Variants in LRRC1 observed in about 807,000 individuals in gnomAD.
LRRC1 encodes the protein leucine-rich repeat-containing protein 1.
A neutral mutation model predicts 69.9 loss-of-function variants in LRRC1; 28 were observed. The observed-to-expected ratio is 0.40, with a 90% confidence interval of 0.30 to 0.55. The LOEUF (loss-of-function observed/expected upper bound fraction) is 0.55. LRRC1 is among the 20% of genes least tolerant of loss of function. LRRC1 has a pLI of 0.47. For synonymous variants in LRRC1, 236 were observed against 240.2 expected, an observed-to-expected ratio of 0.98 and a Z score of 0.16; for missense variants, 498 against 609.0, an observed-to-expected ratio of 0.82 and a Z score of 1.92.
chr6:53,902,249 T>C (rs541240449), intron 8 of LRRC1, among the ~76,000 whole-genome samples: 1 of 152,364 alleles, frequency 6.6e-6, no homozygotes, highest in East Asian at 1.9e-4. Context: ...ATAGGTGATT[T>C]AATAAACTAT....
rs1766886271 is a variant in LRRC1, at chr6:53,871,601, T to C, written c.278-7392T>C. ...TTTTGTAGGTCGTCTCTTTATTCTG[T>C]TGAGTCTTCCCTTTGTTGTGAAGAA... On this transcript the variant is annotated intron_variant, in intron 2 of 13. Coordinates refer to ENST00000370888, the MANE Select transcript of LRRC1 (RefSeq NM_018214.5). Among the ~76,000 whole-genome samples the C allele has an allele frequency of 3.3e-5, 5 of 152,220 alleles. No individual in the cohort carries two copies. In the South Asian group the frequency reaches 1.0e-3, roughly 31 times the overall value.
intron 2 of LRRC1, among the ~76,000 whole-genome samples, chr6:53,856,621 T>C (rs1161296361): frequency 6.6e-6 from 1 of 151,960 alleles, no homozygotes; most frequent in Non-Finnish European, 1.5e-5. Context: ...TTTGGGGAAA[T>C]GCAAGAAATT....
intron 1 of LRRC1, among the ~76,000 whole-genome samples, chr6:53,821,530 G>A (rs1425283224): frequency 6.6e-6 from 1 of 151,834 alleles, no homozygotes; most frequent in East Asian, 1.9e-4. Context: ...ACTCAGGAGT[G>A]CCTGTCATGG....
chr6:53,846,443 T>C (rs960430594), intron 2 of LRRC1, among the ~76,000 whole-genome samples: 4 of 152,236 alleles, frequency 2.6e-5, no homozygotes, highest in African/African-American at 9.6e-5. Context: ...CTGGCTCTGC[T>C]GTCAGCACGC....
At chr6:53,829,207 A>G (rs544306045) in intron 1 of LRRC1, among the ~76,000 whole-genome samples, 129 of 152,254 alleles carry the variant, frequency 8.5e-4, no homozygotes, top group Non-Finnish European at 1.0e-3. Context: ...AGACACATCT[A>G]TGTAATCTGG....
intron 1 of LRRC1, among the ~76,000 whole-genome samples, chr6:53,820,133 T>A (rs1363412370): frequency 6.6e-6 from 1 of 152,058 alleles, no homozygotes; most frequent in Non-Finnish European, 1.5e-5. Context: ...TGCAGCTGCC[T>A]TTAAAGAGAT....
At chr6:53,828,708 T>G (rs567292315) in intron 1 of LRRC1, among the ~76,000 whole-genome samples, 13 of 152,346 alleles carry the variant, frequency 8.5e-5, no homozygotes, top group African/African-American at 3.1e-4. Context: ...TTGCTGGACT[T>G]GTTAATCAGT....
rs543347948 is a variant in LRRC1 at position 53,800,324 on chromosome 6, T to C, written c.159+4909T>C. On this transcript the variant is annotated intron_variant, in intron 1 of 13. Coordinates refer to ENST00000370888, the MANE Select transcript of LRRC1 (RefSeq NM_018214.5). ...TTGAGTGCAGTGGCGCGATCTCAGC[T>C]CACTGCAACCTCCGTCTCCTGGTTC... is the stretch of plus-strand genomic sequence containing the variant. Among the ~76,000 whole-genome samples the C allele has an allele frequency of 5.8e-5, 8 of 137,634 alleles. No individual in the cohort carries two copies. The East Asian group carries it at 1.7e-3, about 30-fold the overall frequency. The allele number at this position is 137,634 out of a possible 152,430, so 90.3% of individuals were successfully genotyped here. A position where few individuals can be genotyped will look rare whatever the true frequency, so the allele number is the denominator to read the frequency against.
chr6:53,845,005 C>T (rs1261069769), intron 2 of LRRC1, among the ~76,000 whole-genome samples: 2 of 152,184 alleles, frequency 1.3e-5, no homozygotes, highest in Non-Finnish European at 2.9e-5. Context: ...GAGTTCGAGA[C>T]CAGCCTGACC....
chr6:53,878,950 T>C (rs377134867), intron 2 of LRRC1, 43 bp from the exon 3 acceptor site: 6 of 1,238,882 alleles, frequency 4.8e-6, no homozygotes, highest in Non-Finnish European at 7.1e-6. Flanking sequence ...TGAAAACTGT[T>C]AATAATGGTG....
intron 1 of LRRC1, among the ~76,000 whole-genome samples, chr6:53,800,219 C>T (rs377247554): frequency 1.3e-5 from 2 of 149,998 alleles, no homozygotes; most frequent in South Asian, 4.2e-4. Context: ...TGGCAAGATC[C>T]GTTTATTTTA....
At position 53,842,989 on chromosome 6, in the gene LRRC1, T is replaced by G. The variant is rs147231826; in HGVS notation, c.277+762T>G. Among the ~76,000 whole-genome samples the G allele has an allele frequency of 2.6e-5, 4 of 152,294 alleles. No individual in the cohort carries two copies. In the East Asian group the frequency reaches 7.7e-4, roughly 29 times the overall value. ...TGGGTACCTTGGTTTAACCCTCAGT[T>G]TTATACCCCTTAGAGTGCTTCCCAA... On this transcript the variant is annotated intron_variant, in intron 2 of 13. Coordinates refer to ENST00000370888, the MANE Select transcript of LRRC1 (RefSeq NM_018214.5).
intron 1 of LRRC1, among the ~76,000 whole-genome samples, chr6:53,818,668 G>A (rs1173484286): frequency 1.3e-5 from 2 of 152,192 alleles, no homozygotes; most frequent in Admixed American, 1.3e-4. Context: ...CATGGAGAAA[G>A]ATAACAGGGG....
chr6:53,900,098 T>C (rs1402429673), intron 8 of LRRC1, among the ~76,000 whole-genome samples: 5 of 140,456 alleles, frequency 3.6e-5, no homozygotes, highest in Admixed American at 7.5e-5. Context: ...AGTGCAGTGG[T>C]GCAATCTCAG....
intron 10 of LRRC1, 94 bp downstream of exon 10, chr6:53,904,556 C>A: frequency 1.2e-6 from 1 of 830,170 alleles, no homozygotes; most frequent in South Asian, 1.9e-5. Context: ...TGAAAAGACG[C>A]ATGTGTTGTT....
At position 53,906,268 on chromosome 6, in the gene LRRC1, G is replaced by A. The variant is rs117917143; in HGVS notation, c.990+1806G>A. On this transcript the variant is annotated intron_variant, in intron 10 of 13. Transcript: ENST00000370888. ...CAAAGATGAGTCTCCCAGTAAACACGTGACCACTTATGTAATGCAGGCTCA... is the reference window on the plus strand; with the variant it reads ...CAAAGATGAGTCTCCCAGTAAACACATGACCACTTATGTAATGCAGGCTCA... Among the ~76,000 whole-genome samples, 566 of 152,292 alleles carry A rather than the reference G, an allele frequency of 3.7e-3. 7 individuals carry two copies. In the East Asian group the frequency reaches 0.041, roughly 11 times the overall value.
chr6:53,833,945 C>G (rs1027173777), intron 1 of LRRC1, among the ~76,000 whole-genome samples: 3 of 152,190 alleles, frequency 2.0e-5, no homozygotes, highest in African/African-American at 7.2e-5. Flanking sequence ...GAATTCCATT[C>G]TGTGTCTATG....
intron 2 of LRRC1, among the ~76,000 whole-genome samples, chr6:53,876,572 A>G (rs1168056495): frequency 3.9e-5 from 6 of 152,202 alleles, no homozygotes; most frequent in African/African-American, 7.2e-5. Flanking sequence ...TCCTAGATAC[A>G]ATGGCAGTGC....
chr6:53,826,922 T>C (rs1170875468), intron 1 of LRRC1, among the ~76,000 whole-genome samples: 2 of 152,166 alleles, frequency 1.3e-5, no homozygotes, highest in African/African-American at 4.8e-5. Context: ...TTGACCCACC[T>C]GCCCAACCTT....
Sources: allele counts gnomAD v4.1 joint callset (sites outside exome capture counted in the v4.1 genomes callset), GRCh38; gene constraint gnomAD v4.1.1; transcripts MANE v1.5; gene names NCBI Gene and HGNC (gene_info 2026-07-23, HGNC 2026-07-21).